The following EGFLAM variants were observed in gnomAD, a reference collection of about 807,000 sequenced individuals.
EGFLAM encodes the protein EGF like, fibronectin type III and laminin G domains, also known as pikachurin.
In EGFLAM, 79 loss-of-function variants were observed where a neutral mutation model predicts 113.1. That is an observed-to-expected ratio of 0.70 (90% CI 0.58 to 0.84). EGFLAM has a LOEUF of 0.84. EGFLAM is among the 40% of genes least tolerant of loss of function. The probability of loss-of-function intolerance (pLI) is 0.00; values close to 1 mark genes in which losing one functional copy is unlikely to be tolerated. For missense variants in EGFLAM, 1,265 were observed against 1,291.6 expected, an observed-to-expected ratio of 0.98 and a Z score of 0.32; for synonymous variants, 504 against 487.6, an observed-to-expected ratio of 1.03 and a Z score of -0.44.
intron 14 of EGFLAM, chr5:38,430,134 GT>G: frequency 4.6e-6 from 1 of 217,780 alleles, no homozygotes; most frequent in Non-Finnish European, 9.7e-6. Context: ...ACCACCACCA[GT>G]TTCCCAGGTT....
chr5:38,431,476 T>C (rs1460141132), intron 15 of EGFLAM, among the ~76,000 whole-genome samples, 188 bp downstream of exon 15: 1 of 152,218 alleles, frequency 6.6e-6, no homozygotes, highest in Non-Finnish European at 1.5e-5. Flanking sequence ...ATGGGGATAA[T>C]AATAGTATGG....
intron 1 of EGFLAM, among the ~76,000 whole-genome samples, chr5:38,329,957 A>G (rs1738997602): frequency 6.6e-6 from 1 of 152,176 alleles, no homozygotes; most frequent in Admixed American, 6.5e-5. Flanking sequence ...TGAAAATGCC[A>G]ATAAAATAGG....
chr5:38,383,988 G>C (rs1488693182), intron 6 of EGFLAM, among the ~76,000 whole-genome samples: 5 of 151,980 alleles, frequency 3.3e-5, no homozygotes, highest in African/African-American at 1.2e-4. Context: ...AATCTTATAG[G>C]TCCTGATGAA....
At position 38,438,124 on chromosome 5, in the gene EGFLAM, A is replaced by G; in HGVS notation, c.2284-151A>G. The G allele has an allele frequency of 1.4e-5, 3 of 216,014 alleles. No homozygotes were observed. In the East Asian group the frequency reaches 3.0e-4, roughly 22 times the overall value. 13.4% of individuals were successfully genotyped at this position (216,014 alleles called of 1,614,324 possible). Reference sequence around the variant, plus strand: ...GCAACACAGAAAGACTCCATCTCCAAAAAAAAAAAAAAAAAAGTGGAAACT... The same window carrying G: ...GCAACACAGAAAGACTCCATCTCCAGAAAAAAAAAAAAAAAAGTGGAAACT... On this transcript the variant is annotated intron_variant, in intron 16 of 21. Coordinates refer to ENST00000322350, the MANE Select transcript of EGFLAM (RefSeq NM_152403.4).
intron 1 of EGFLAM, among the ~76,000 whole-genome samples, chr5:38,281,026 G>A (rs903091140): frequency 3.9e-5 from 6 of 152,286 alleles, no homozygotes; most frequent in South Asian, 2.1e-4. Context: ...ATAAGGGGAT[G>A]TTAAGACTGA....
intron 1 of EGFLAM, among the ~76,000 whole-genome samples, chr5:38,311,395 T>A (rs1016988611): frequency 1.3e-5 from 2 of 152,212 alleles, no homozygotes; most frequent in Non-Finnish European, 2.9e-5. Context: ...ACTCTGTTTC[T>A]GTGAGTTCGA....
At chr5:38,344,614 A>G (rs1739429407) in intron 3 of EGFLAM, among the ~76,000 whole-genome samples, 2 of 152,310 alleles carry the variant, frequency 1.3e-5, no homozygotes, top group African/African-American at 4.8e-5. Context: ...TCAAATTAAC[A>G]GTGTTTCTAA....
chr5:38,416,289 C>G (rs1374614188), intron 11 of EGFLAM, among the ~76,000 whole-genome samples: 1 of 152,168 alleles, frequency 6.6e-6, no homozygotes, highest in Admixed American at 6.5e-5. Flanking sequence ...AAAGTGCTCC[C>G]AGGAGAAACT....
At chr5:38,423,757 C>T (rs1741911804) in intron 12 of EGFLAM, among the ~76,000 whole-genome samples, 1 of 152,178 alleles carries the variant, frequency 6.6e-6, no homozygotes, top group Non-Finnish European at 1.5e-5. Context: ...GGCTAGCCAC[C>T]CCCAGCTGGG....
chr5:38,446,456 C>G (rs11737912), intron 17 of EGFLAM, among the ~76,000 whole-genome samples: 19,869 of 152,072 alleles, frequency 0.13, 1,466 homozygotes, highest in African/African-American at 0.19. Flanking sequence ...CTACTCGGCT[C>G]CTTTCCCGTC....
chr5:38,393,275 G>A (rs1197634022), intron 6 of EGFLAM, among the ~76,000 whole-genome samples: 1 of 152,066 alleles, frequency 6.6e-6, no homozygotes, highest in Non-Finnish European at 1.5e-5. Flanking sequence ...GTCTTTTAGT[G>A]TACTTTAGTA....
intron 6 of EGFLAM, among the ~76,000 whole-genome samples, chr5:38,373,745 T>C (rs1294273767): frequency 6.6e-6 from 1 of 152,220 alleles, no homozygotes; most frequent in Non-Finnish European, 1.5e-5. Context: ...GTCTTTTTCA[T>C]ATAATGATTT....
At chr5:38,442,525 C>T (rs529504245) in intron 17 of EGFLAM, among the ~76,000 whole-genome samples, 4 of 151,452 alleles carry the variant, frequency 2.6e-5, no homozygotes, top group Non-Finnish European at 4.4e-5. Context: ...ACAAGTAATT[C>T]GGTTGTTATA....
chr5:38,272,502 A>G (rs544077628), intron 1 of EGFLAM, among the ~76,000 whole-genome samples: 45 of 152,234 alleles, frequency 3.0e-4, no homozygotes, highest in Non-Finnish European at 5.1e-4. Context: ...CTGTGAGATC[A>G]TAAGTAAAAC....
chr5:38,400,351 TA>T (rs1741076043), intron 6 of EGFLAM, among the ~76,000 whole-genome samples: 1 of 152,246 alleles, frequency 6.6e-6, no homozygotes, highest in Non-Finnish European at 1.5e-5. Flanking sequence ...TAACTTTTTT[TA>T]ATAACCCCTG....
chr5:38,436,723 T>C (rs1305219517), intron 16 of EGFLAM, among the ~76,000 whole-genome samples: 1 of 152,214 alleles, frequency 6.6e-6, no homozygotes, highest in East Asian at 1.9e-4. Flanking sequence ...CTTGCCTGAT[T>C]CACGGGCTGG....
intron 1 of EGFLAM, among the ~76,000 whole-genome samples, chr5:38,263,249 G>A (rs1757547723): frequency 6.6e-6 from 1 of 152,182 alleles, no homozygotes; most frequent in South Asian, 2.1e-4. Flanking sequence ...ATCACTTGAA[G>A]CCAGGCGTTT....
intron 5 of EGFLAM, among the ~76,000 whole-genome samples, chr5:38,368,725 C>A (rs1366284): frequency 0.34 from 51,355 of 151,596 alleles, 10,225 homozygotes; most frequent in African/African-American, 0.56. Context: ...CCGTCACTCC[C>A]CCTTTTCATC....
chr5:38,348,591 A>G (rs955956219), intron 3 of EGFLAM, among the ~76,000 whole-genome samples: 6 of 152,164 alleles, frequency 3.9e-5, no homozygotes, highest in Non-Finnish European at 8.8e-5. Flanking sequence ...CTTGGTAAGA[A>G]CATCTCAATA....
Sources: gnomAD v4.1 joint callset for allele counts (sites outside exome capture counted in the v4.1 genomes callset) on GRCh38, gnomAD v4.1.1 for gene constraint, MANE v1.5 for transcripts, NCBI Gene and HGNC (gene_info 2026-07-23, HGNC 2026-07-21) for gene names.